Variants in FNDC3B observed in about 807,000 individuals in gnomAD.
FNDC3B encodes fibronectin type III domain containing 3B, also known as fibronectin type III domain-containing protein 3B.
FNDC3B carries 12 observed loss-of-function variants against 151.5 expected under a neutral mutation model. That is an observed-to-expected ratio of 0.08 (90% CI 0.05 to 0.13). The LOEUF is 0.13. Ranked by LOEUF, FNDC3B falls within the 10% of genes least tolerant of loss-of-function variation. The pLI is 1.00. For synonymous variants in FNDC3B, 528 were observed against 549.0 expected, an observed-to-expected ratio of 0.96 and a Z score of 0.54; for missense variants, 1,214 against 1,505.3, an observed-to-expected ratio of 0.81 and a Z score of 3.20.
chr3:172,106,725 G>A (rs1719670025), intron 1 of FNDC3B, among the ~76,000 whole-genome samples: 1 of 152,180 alleles, frequency 6.6e-6, no homozygotes, highest in African/African-American at 2.4e-5. Flanking sequence ...CCCTTTGCAG[G>A]TGGGGGCTGC....
rs1311045842 is a variant in FNDC3B at position 172,344,120 on chromosome 3, A to G, written c.2112A>G (p.Ser704=). The change falls in exon 19 of 26, where the codon TCA becomes TCG. Residue 704 remains serine, a synonymous_variant. Transcript: ENST00000415807. The part of the protein sequence containing the change: ...VPASESGCEV[S]EYSVEMTEPE... ...CATCGGAAAGTGGCTGTGAGGTCTC[A>G]GAGTACAGCGTGGAGATGACGGAGC... 1 of 1,613,406 alleles carries G rather than the reference A, an allele frequency of 6.2e-7. No individual in the cohort carries two copies. Among genetic ancestry groups the G allele is most frequent in the Admixed American group, 1.7e-5 (1 of 59,902 alleles).
intron 6 of FNDC3B, among the ~76,000 whole-genome samples, chr3:172,273,205 G>A (rs1036075829): frequency 2.6e-5 from 4 of 152,156 alleles, no homozygotes; most frequent in South Asian, 2.1e-4. Flanking sequence ...TTTACCTTTC[G>A]TTCAAAATGT....
At chr3:172,330,950 A>G (rs560071872) in intron 13 of FNDC3B, among the ~76,000 whole-genome samples, 1 of 151,898 alleles carries the variant, frequency 6.6e-6, no homozygotes, top group African/African-American at 2.4e-5. Context: ...TCCTATATAT[A>G]ATCAGAAAAT....
At chr3:172,365,700 A>G (rs1243574455) in intron 23 of FNDC3B, among the ~76,000 whole-genome samples, 2 of 152,222 alleles carry the variant, frequency 1.3e-5, no homozygotes, top group South Asian at 2.1e-4. Flanking sequence ...AAGTGTTACC[A>G]TGAACACTTT....
intron 1 of FNDC3B, among the ~76,000 whole-genome samples, chr3:172,098,145 G>A (rs1719183135): frequency 6.6e-6 from 1 of 152,022 alleles, no homozygotes; most frequent in Admixed American, 6.6e-5. Flanking sequence ...TGTACAGGTT[G>A]GGAAGTTGGG....
intron 1 of FNDC3B, among the ~76,000 whole-genome samples, chr3:172,041,422 C>T (rs1368976353): frequency 2.6e-3 from 112 of 42,680 alleles, no homozygotes; most frequent in Admixed American, 0.013. Flanking sequence ...TCCTTCCTTC[C>T]TTCCTTCCTT....
Position 172,181,395 on chromosome 3 carries a change from C to CAAAAA in FNDC3B, c.188-45461_188-45457dup, listed in dbSNP as rs755223783. 1.1e-3 allele frequency among the ~76,000 whole-genome samples: 78 copies of CAAAAA among 71,470 alleles called. 2 individuals are homozygous for CAAAAA. The highest frequency in any genetic ancestry group is 3.5e-3 in the African/African-American group (56 of 16,014). The allele number at this position is 71,470 out of a possible 152,430, so 46.9% of individuals were successfully genotyped here. Reference sequence around the variant, plus strand: ...GGGTGCCAGAGTGAGACTCTGTCTCCAAAAAAAAAAAAAAAAAAACAAAAA... The same window carrying CAAAAA: ...GGGTGCCAGAGTGAGACTCTGTCTCCAAAAAAAAAAAAAAAAAAAAAAAACAAAAA... On this transcript the variant is annotated intron_variant, in intron 3 of 25. Coordinates refer to ENST00000415807, the MANE Select transcript of FNDC3B (RefSeq NM_022763.4).
chr3:172,383,733 A>G (rs1362801909), intron 25 of FNDC3B, among the ~76,000 whole-genome samples: 1 of 152,256 alleles, frequency 6.6e-6, no homozygotes, highest in Non-Finnish European at 1.5e-5. Flanking sequence ...ATATAGCCAG[A>G]TAAGAAATTA....
chr3:172,098,338 T>C (rs562248946), intron 1 of FNDC3B, among the ~76,000 whole-genome samples: 13 of 152,318 alleles, frequency 8.5e-5, no homozygotes, highest in African/African-American at 1.7e-4. Flanking sequence ...GCAGTCACCA[T>C]TGTCTTGATT....
At chr3:172,224,210 T>A (rs1726435339) in intron 3 of FNDC3B, among the ~76,000 whole-genome samples, 1 of 152,192 alleles carries the variant, frequency 6.6e-6, no homozygotes, top group East Asian at 1.9e-4. Flanking sequence ...AATACACAAC[T>A]CTCTCGTTGG....
intron 1 of FNDC3B, among the ~76,000 whole-genome samples, chr3:172,106,533 T>G (rs1442777705): frequency 6.6e-6 from 1 of 152,268 alleles, no homozygotes; most frequent in Non-Finnish European, 1.5e-5. Context: ...ATTTGCGTAC[T>G]GTACTGCTAA....
At chr3:172,122,191 C>T (rs1440152909) in intron 2 of FNDC3B, among the ~76,000 whole-genome samples, 3 of 152,264 alleles carry the variant, frequency 2.0e-5, no homozygotes, top group African/African-American at 2.4e-5. Flanking sequence ...AAAATATATG[C>T]GTTACACTCC....
chr3:172,178,358 G>T (rs1026802302), intron 3 of FNDC3B, among the ~76,000 whole-genome samples: 3 of 151,888 alleles, frequency 2.0e-5, no homozygotes, highest in Non-Finnish European at 4.4e-5. Context: ...TAAATTTAAG[G>T]CCTAGGAGAC....
intron 13 of FNDC3B, among the ~76,000 whole-genome samples, chr3:172,332,691 A>G (rs1165921848): frequency 6.6e-6 from 1 of 152,206 alleles, no homozygotes; most frequent in African/African-American, 2.4e-5. Flanking sequence ...CCTTTCTCCC[A>G]TGGCCAGAAG....
intron 3 of FNDC3B, among the ~76,000 whole-genome samples, chr3:172,141,125 T>G (rs570649137): frequency 7.2e-6 from 1 of 139,260 alleles, no homozygotes; most frequent in Admixed American, 7.0e-5. Context: ...TCTAGTTGTA[T>G]ACACAGCTTT....
chr3:172,186,371 G>A (rs968069817), intron 3 of FNDC3B, among the ~76,000 whole-genome samples: 9 of 152,146 alleles, frequency 5.9e-5, no homozygotes, highest in African/African-American at 2.2e-4. Context: ...TCCTCTAAAA[G>A]CATCGGAAAT....
chr3:172,140,655 G>T (rs573203882), intron 3 of FNDC3B, among the ~76,000 whole-genome samples: 4 of 152,352 alleles, frequency 2.6e-5, no homozygotes, highest in Admixed American at 2.6e-4. Flanking sequence ...GGTTATGGAA[G>T]GAATGAGAGC....
intron 1 of FNDC3B, among the ~76,000 whole-genome samples, chr3:172,049,344 G>T (rs948045870): frequency 6.6e-5 from 10 of 152,034 alleles, no homozygotes; most frequent in African/African-American, 2.4e-4. Flanking sequence ...ATGTTTAAAA[G>T]TAGATCTCTG....
intron 6 of FNDC3B, among the ~76,000 whole-genome samples, chr3:172,254,040 T>C (rs1407101457): frequency 1.3e-5 from 2 of 152,172 alleles, no homozygotes; most frequent in Non-Finnish European, 2.9e-5. Flanking sequence ...TCGGCCTCCT[T>C]CTTTTTACTT....
Sources: allele counts gnomAD v4.1 joint callset (sites outside exome capture counted in the v4.1 genomes callset), GRCh38; gene constraint gnomAD v4.1.1; transcripts MANE v1.5; gene names NCBI Gene and HGNC (gene_info 2026-07-23, HGNC 2026-07-21).